The following AMPH variants were observed in gnomAD, a reference collection of about 807,000 sequenced individuals.
AMPH encodes the protein amphiphysin.
A neutral mutation model predicts 99.1 loss-of-function variants in AMPH; 49 were observed. That is an observed-to-expected ratio of 0.49 (90% confidence interval 0.39 to 0.63). The LOEUF (loss-of-function observed/expected upper bound fraction) is 0.63, where lower values mean the gene tolerates loss of function less well. Ranked by LOEUF, AMPH falls within the 20% of genes least tolerant of loss-of-function variation. The pLI, the probability that AMPH is intolerant of heterozygous loss-of-function variation, is 0.00. For missense variants in AMPH, 759 were observed against 863.4 expected (o/e 0.88, Z 1.52); for synonymous variants, 314 against 317.3 (o/e 0.99, Z 0.11).
At chr7:38,557,528 T>C (rs1382704783) in intron 1 of AMPH, among the ~76,000 whole-genome samples, 1 of 152,186 alleles carries the variant, frequency 6.6e-6, no homozygotes, top group Non-Finnish European at 1.5e-5. Context: ...GCAGGATGTG[T>C]TTGCTTCCCC....
At chr7:38,574,541 C>T (rs962919197) in intron 1 of AMPH, among the ~76,000 whole-genome samples, 3 of 152,194 alleles carry the variant, frequency 2.0e-5, no homozygotes, top group Admixed American at 6.5e-5. Flanking sequence ...GCTGTTCACA[C>T]AGCCTCTGCC....
In AMPH at chr7:38,392,009, G is replaced by A. The variant is rs1247378013; in HGVS notation, c.1617C>T (p.Val539=). Residue 539 remains valine, a synonymous_variant, in exon 19 of 21, where the codon GTC becomes GTT. Transcript: ENST00000356264. ...ELEATVPQEK[V]IPSVVIEPAS... Reference sequence around the variant, plus strand: ...CAGGCTCTATGACCACCGAAGGAATGACCTTCTCCTGGGGGAAGAAAAACC... The same window carrying A: ...CAGGCTCTATGACCACCGAAGGAATAACCTTCTCCTGGGGGAAGAAAAACC... The A allele has an allele frequency of 2.5e-6, 4 of 1,605,250 alleles. No homozygotes were observed. In the African/African-American group the frequency reaches 5.3e-5, roughly 21 times the overall value.
At chr7:38,436,021 T>C (rs71548612) in intron 12 of AMPH, among the ~76,000 whole-genome samples, 7,047 of 152,200 alleles carry the variant, frequency 0.046, 178 homozygotes, top group South Asian at 0.099. Context: ...TGGTAACAAT[T>C]ACTCTGGGGG....
chr7:38,461,480 T>A (rs1013888390), intron 10 of AMPH, 69 bp from the exon 11 acceptor site: 66 of 1,587,566 alleles, frequency 4.2e-5, no homozygotes, highest in Non-Finnish European at 5.4e-5. Flanking sequence ...AAAGGTCACA[T>A]GAACAGAGCT....
chr7:38,396,663 T>C (rs576521121), intron 17 of AMPH, among the ~76,000 whole-genome samples: 1 of 152,370 alleles, frequency 6.6e-6, no homozygotes, highest in Non-Finnish European at 1.5e-5. Flanking sequence ...AAAATTCCTA[T>C]AATAAAAAGT....
At chr7:38,501,764 A>G (rs1789143528) in intron 3 of AMPH, among the ~76,000 whole-genome samples, 2 of 107,364 alleles carry the variant, frequency 1.9e-5, no homozygotes, top group African/African-American at 7.4e-5. Context: ...TAAAAAGCAT[A>G]CCAAATAAAT....
At chr7:38,431,644 G>A (rs1198111413) in intron 13 of AMPH, among the ~76,000 whole-genome samples, 7 of 146,450 alleles carry the variant, frequency 4.8e-5, no homozygotes, top group African/African-American at 1.0e-4. Context: ...ATGAAACAGC[G>A]AGACTCCGTC....
chr7:38,397,511 TA>T (rs971767336), intron 17 of AMPH, among the ~76,000 whole-genome samples: 2 of 152,150 alleles, frequency 1.3e-5, no homozygotes, highest in African/African-American at 4.8e-5. Context: ...AAAAATTAAA[TA>T]AAAATGGATT....
chr7:38,502,849 G>C (rs899131262), intron 3 of AMPH, among the ~76,000 whole-genome samples: 1 of 152,140 alleles, frequency 6.6e-6, no homozygotes, highest in Non-Finnish European at 1.5e-5. Context: ...TACTATATCT[G>C]GAATTAGGAA....
intron 1 of AMPH, among the ~76,000 whole-genome samples, chr7:38,589,830 C>T (rs1792791041): frequency 6.6e-6 from 1 of 152,158 alleles, no homozygotes; most frequent in Non-Finnish European, 1.5e-5. Context: ...CACCTGTGAA[C>T]ACAAAATTGC....
At chr7:38,405,150 A>G (rs1784948580) in intron 17 of AMPH, among the ~76,000 whole-genome samples, 1 of 152,224 alleles carries the variant, frequency 6.6e-6, no homozygotes, top group African/African-American at 2.4e-5. Flanking sequence ...TCTTTCCCAG[A>G]CAAACAAATG....
At chr7:38,623,326 T>C (rs774748992) in intron 1 of AMPH, among the ~76,000 whole-genome samples, 18 of 152,224 alleles carry the variant, frequency 1.2e-4, no homozygotes, top group Admixed American at 4.6e-4. Context: ...CTTTTATTAA[T>C]GTTAAAATCT....
At chr7:38,615,464 A>C (rs1793842109) in intron 1 of AMPH, among the ~76,000 whole-genome samples, 1 of 152,180 alleles carries the variant, frequency 6.6e-6, no homozygotes, top group South Asian at 2.1e-4. Context: ...AAGTGGAATG[A>C]ACGTGCCCCC....
chr7:38,462,922 C>A (rs931911267), intron 10 of AMPH, 53 bp downstream of exon 10: 2 of 1,494,844 alleles, frequency 1.3e-6, no homozygotes, highest in African/African-American at 1.4e-5. Flanking sequence ...TAGATGGGGC[C>A]ACCTTCATCT....
rs147874012 is a variant in AMPH at position 38,528,989 on chromosome 7, T to C, written c.150+5942A>G. On this transcript the variant is annotated intron_variant, in intron 2 of 20. Coordinates refer to ENST00000356264, the MANE Select transcript of AMPH (RefSeq NM_001635.4). The stretch of plus-strand genomic sequence containing the variant: ...TCCCAGGACCCTAAGTCCAGAGTTC[T>C]AATGCCTTCTATAATTTCCCCTATT... Among the ~76,000 whole-genome samples the C allele has an allele frequency of 7.9e-5, 12 of 152,280 alleles. No homozygotes were observed. The East Asian group carries it at 2.3e-3, about 29-fold the overall frequency.
At chr7:38,417,451 T>A (rs182398487) in intron 17 of AMPH, among the ~76,000 whole-genome samples, 4 of 152,218 alleles carry the variant, frequency 2.6e-5, no homozygotes, top group African/African-American at 9.6e-5. Context: ...GTAATCAATA[T>A]GTACACACAA....
At chr7:38,459,126 C>T (rs528363712) in intron 11 of AMPH, among the ~76,000 whole-genome samples, 64 of 152,142 alleles carry the variant, frequency 4.2e-4, no homozygotes, top group African/African-American at 1.5e-3. Flanking sequence ...ATACCATTTA[C>T]AACAGCTACA....
chr7:38,390,003 T>C (rs1784445162), intron 19 of AMPH, 98 bp from the exon 20 acceptor site: 2 of 947,760 alleles, frequency 2.1e-6, no homozygotes, highest in Non-Finnish European at 3.3e-6. Context: ...AAGAGGAAGA[T>C]ATTTGCCATA....
chr7:38,448,650 TG>T (rs1183267196), intron 11 of AMPH, among the ~76,000 whole-genome samples: 1 of 152,194 alleles, frequency 6.6e-6, no homozygotes, highest in Non-Finnish European at 1.5e-5. Context: ...TGGTTGACCA[TG>T]GGTAACTGAA....
Sources: gnomAD v4.1 joint callset for allele counts (sites outside exome capture counted in the v4.1 genomes callset) on GRCh38, gnomAD v4.1.1 for gene constraint, MANE v1.5 for transcripts, NCBI Gene and HGNC (gene_info 2026-07-23, HGNC 2026-07-21) for gene names.